The following CALCRL variants were observed in gnomAD, a reference collection of about 807,000 sequenced individuals.
CALCRL encodes the protein calcitonin receptor like receptor, also known as calcitonin gene-related peptide type 1 receptor.
Under a neutral mutation model 60.4 loss-of-function variants are expected in CALCRL, and 27 were observed. That is an observed-to-expected ratio of 0.45 (90% CI 0.33 to 0.62). The LOEUF (loss-of-function observed/expected upper bound fraction) is 0.62, where lower values mean the gene tolerates loss of function less well. CALCRL is among the 20% of genes least tolerant of loss of function. The pLI, the probability that CALCRL is intolerant of heterozygous loss-of-function variation, is 0.03. For synonymous variants in CALCRL, 190 were observed against 182.6 expected (o/e 1.04, Z -0.33); for missense variants, 424 against 540.7 (o/e 0.78, Z 2.14).
chr2:187,372,449 C>G (rs1017803319), intron 8 of CALCRL, among the ~76,000 whole-genome samples: 3 of 152,014 alleles, frequency 2.0e-5, no homozygotes, highest in Non-Finnish European at 4.4e-5. Context: ...TCTCTGTTCC[C>G]TTTCTTTTTA....
chr2:187,392,843 A>C (rs1259978572), intron 1 of CALCRL, among the ~76,000 whole-genome samples: 1 of 152,112 alleles, frequency 6.6e-6, no homozygotes, highest in African/African-American at 2.4e-5. Flanking sequence ...TGTTGGGATT[A>C]CAGGCTTGAG....
intron 4 of CALCRL, 138 bp from the exon 5 acceptor site, chr2:187,383,443 AC>A (rs1688066033): frequency 1.7e-6 from 1 of 599,134 alleles, no homozygotes. Flanking sequence ...TAGGGAAAAA[AC>A]CCCAATTTGT....
chr2:187,406,911 C>T (rs2105838345), intron 1 of CALCRL, among the ~76,000 whole-genome samples: 1 of 152,072 alleles, frequency 6.6e-6, no homozygotes, highest in Admixed American at 6.5e-5. Flanking sequence ...TACAATAACG[C>T]TAGTAGTGTT....
At chr2:187,413,583 A>C (rs567699541) in intron 1 of CALCRL, among the ~76,000 whole-genome samples, 1 of 152,314 alleles carries the variant, frequency 6.6e-6, no homozygotes, top group Non-Finnish European at 1.5e-5. Flanking sequence ...CAAACGATAG[A>C]AATGATTCTT....
At chr2:187,377,929 A>C (rs1398384679) in intron 8 of CALCRL, among the ~76,000 whole-genome samples, 4 of 152,080 alleles carry the variant, frequency 2.6e-5, no homozygotes, top group Non-Finnish European at 5.9e-5. Context: ...ATTGCTTAAT[A>C]GGGTATTAAA....
intron 1 of CALCRL, among the ~76,000 whole-genome samples, chr2:187,411,569 G>C (rs892814284): frequency 6.6e-6 from 1 of 152,062 alleles, no homozygotes; most frequent in African/African-American, 2.4e-5. Context: ...ATCATGAAAT[G>C]GGATACCTAG....
At chr2:187,426,238 TA>T (rs993641865) in intron 1 of CALCRL, among the ~76,000 whole-genome samples, 13 of 131,828 alleles carry the variant, frequency 9.9e-5, no homozygotes, top group African/African-American at 2.3e-4. Flanking sequence ...GTCTGTCATT[TA>T]TTATTTTTTT....
chr2:187,422,764 T>A (rs1190528882), intron 1 of CALCRL, among the ~76,000 whole-genome samples: 1 of 151,894 alleles, frequency 6.6e-6, no homozygotes, highest in African/African-American at 2.4e-5. Context: ...TTGTGGACAT[T>A]TATGGAATAG....
chr2:187,439,250 G>C (rs1383008376), intron 1 of CALCRL, among the ~76,000 whole-genome samples: 1 of 152,036 alleles, frequency 6.6e-6, no homozygotes, highest in Non-Finnish European at 1.5e-5. Flanking sequence ...TGGGAGGCCA[G>C]ACTGGGCGGA....
At chr2:187,418,859 C>CTTTTTTTTT (rs369436031) in intron 1 of CALCRL, among the ~76,000 whole-genome samples, 1 of 120,004 alleles carries the variant, frequency 8.3e-6, no homozygotes, top group Non-Finnish European at 1.7e-5. Context: ...TTCTTTTTTT[C>CTTTTTTTTT]TTTTTTTTTT....
intron 1 of CALCRL, among the ~76,000 whole-genome samples, chr2:187,408,739 ATAAAT>A (rs1273267905): frequency 1.3e-5 from 2 of 152,216 alleles, no homozygotes; most frequent in South Asian, 2.1e-4. Flanking sequence ...TTTTAATGAA[ATAAAT>A]TAAGTAATTT....
chr2:187,429,878 G>T (rs192046829), intron 1 of CALCRL, among the ~76,000 whole-genome samples: 8 of 119,502 alleles, frequency 6.7e-5, no homozygotes, highest in African/African-American at 2.3e-4. Flanking sequence ...CATGTTATAA[G>T]TTGAAAAACA....
intron 12 of CALCRL, among the ~76,000 whole-genome samples, chr2:187,355,012 T>C (rs1429431497): frequency 6.6e-6 from 1 of 152,058 alleles, no homozygotes; most frequent in African/African-American, 2.4e-5. Context: ...AGTAGAAGCA[T>C]GGTATCATGC....
At chr2:187,386,824 C>T (rs1688225134) in intron 3 of CALCRL, among the ~76,000 whole-genome samples, 1 of 152,074 alleles carries the variant, frequency 6.6e-6, no homozygotes, top group Non-Finnish European at 1.5e-5. Flanking sequence ...TGGGTCTTTC[C>T]ACTGCTGTTC....
At position 187,346,089 on chromosome 2, in the gene CALCRL, T is replaced by G. The variant is rs911219681; in HGVS notation, c.*95A>C. Reference sequence around the variant, plus strand: ...GCTCTTCTTTATGACATTCAAAAAGTCATTTAATATTGAAGTCTTCTGGCT... The same window carrying G: ...GCTCTTCTTTATGACATTCAAAAAGGCATTTAATATTGAAGTCTTCTGGCT... On this transcript the variant is annotated 3_prime_UTR_variant, in exon 15 of 15. Coordinates refer to ENST00000392370, the MANE Select transcript of CALCRL (RefSeq NM_005795.6). 1.4e-6 allele frequency: 1 copy of G among 702,882 alleles called. No individual in the cohort carries two copies. Among genetic ancestry groups the G allele is most frequent in the African/African-American group, 1.8e-5 (1 of 55,074 alleles). The allele number at this position is 702,882 out of a possible 1,614,324, so 43.5% of individuals were successfully genotyped here.
chr2:187,366,083 A>G (rs1687264796), intron 8 of CALCRL, among the ~76,000 whole-genome samples: 1 of 150,110 alleles, frequency 6.7e-6, no homozygotes, highest in African/African-American at 2.5e-5. Flanking sequence ...CTCTACTAAA[A>G]ATACAAAAAA....
chr2:187,375,117 A>C (rs1468906925), intron 8 of CALCRL, among the ~76,000 whole-genome samples: 1 of 151,254 alleles, frequency 6.6e-6, no homozygotes, highest in East Asian at 1.9e-4. Flanking sequence ...CTAAAAATAC[A>C]AAAAATTAGC....
intron 14 of CALCRL, among the ~76,000 whole-genome samples, chr2:187,350,258 T>C (rs1322354188): frequency 1.3e-5 from 2 of 151,706 alleles, no homozygotes; most frequent in Non-Finnish European, 1.5e-5. Flanking sequence ...GCATGTTCTT[T>C]AGCATGTTGT....
chr2:187,416,419 T>G (rs558743120), intron 1 of CALCRL, among the ~76,000 whole-genome samples: 31 of 152,132 alleles, frequency 2.0e-4, no homozygotes, highest in Non-Finnish European at 4.1e-4. Flanking sequence ...ATCCTAGTAA[T>G]AGATCCAAAT....
Sources: gnomAD v4.1 joint callset for allele counts (sites outside exome capture counted in the v4.1 genomes callset) on GRCh38, gnomAD v4.1.1 for gene constraint, MANE v1.5 for transcripts, NCBI Gene and HGNC (gene_info 2026-07-23, HGNC 2026-07-21) for gene names.